The following HMGB1 variants were observed in gnomAD, a reference collection of about 807,000 sequenced individuals.
The protein encoded by HMGB1 is high mobility group box 1.
For synonymous variants in HMGB1, 81 were observed against 84.0 expected, an observed-to-expected ratio of 0.96 and a Z score of 0.19; for missense variants, 79 against 253.5, an observed-to-expected ratio of 0.31 and a Z score of 4.67.
chr13:30,467,999 A>G (rs1269444165), upstream of HMGB1, among the ~76,000 whole-genome samples: 1 of 152,178 alleles, frequency 6.6e-6, no homozygotes, highest in African/African-American at 2.4e-5. Flanking sequence ...CTTGGGTGCA[A>G]ATCCCAGCTC....
chr13:30,574,012 G>A (rs968788468), intron 1 of HMGB1, among the ~76,000 whole-genome samples: 1 of 152,154 alleles, frequency 6.6e-6, no homozygotes, highest in African/African-American at 2.4e-5. Flanking sequence ...CAATAATCAT[G>A]TTCAAGACTA....
intron 1 of HMGB1, chr13:30,554,505 T>C (rs930618398): frequency 9.7e-7 from 1 of 1,025,940 alleles, no homozygotes; most frequent in Admixed American, 1.8e-5. Flanking sequence ...GCAAAATGTA[T>C]AAAGGTAGAT....
chr13:30,558,933 G>T (rs534522834), intron 1 of HMGB1, among the ~76,000 whole-genome samples: 1 of 152,296 alleles, frequency 6.6e-6, no homozygotes, highest in South Asian at 2.1e-4. Context: ...AATGCAGATG[G>T]ATTATAATCT....
rs369899718 is a variant in HMGB1, at chr13:30,561,470, C to T, written c.-15+55201G>A. The stretch of plus-strand genomic sequence containing the variant: ...GTCATGAGAGAGGTAGGATGGTGGA[C>T]TCGGAGAAGAGGCAGAAGATGTTCT... On this transcript the variant is annotated intron_variant, in intron 1 of 4. Transcript: ENST00000405805. Among the ~76,000 whole-genome samples the T allele has an allele frequency of 2.2e-3, 341 of 152,260 alleles. 1 individual carries two copies. The highest frequency in any genetic ancestry group is 7.8e-3 in the African/African-American group (324 of 41,550).
chr13:30,569,258 T>C (rs1056343207), intron 1 of HMGB1, among the ~76,000 whole-genome samples: 4 of 152,230 alleles, frequency 2.6e-5, no homozygotes, highest in African/African-American at 9.6e-5. Flanking sequence ...CTATGAATTA[T>C]ATGATTATAA....
At chr13:30,604,076 G>A (rs1950429874) in intron 1 of HMGB1, among the ~76,000 whole-genome samples, 1 of 151,740 alleles carries the variant, frequency 6.6e-6, no homozygotes, top group East Asian at 1.9e-4. Flanking sequence ...ATAAAGCAGG[G>A]GAAGAGGCTG....
chr13:30,465,309 T>C (rs1450750590), intron 1 of HMGB1: 3 of 110,278 alleles, frequency 2.7e-5, no homozygotes, highest in Non-Finnish European at 5.7e-5. Flanking sequence ...CCCGCCCGGC[T>C]GGCCGCGCTC....
chr13:30,600,962 A>C (rs1204533791), intron 1 of HMGB1, among the ~76,000 whole-genome samples: 2 of 152,198 alleles, frequency 1.3e-5, no homozygotes, highest in African/African-American at 4.8e-5. Flanking sequence ...TTGCATGTAT[A>C]CATCCAGATG....
chr13:30,552,022 G>A (rs1370595646), intron 1 of HMGB1, among the ~76,000 whole-genome samples: 1 of 152,054 alleles, frequency 6.6e-6, no homozygotes, highest in Non-Finnish European at 1.5e-5. Context: ...AATGCCCCAA[G>A]CGTCCTCAGG....
At chr13:30,557,750 C>G (rs1869749288) in intron 1 of HMGB1, among the ~76,000 whole-genome samples, 1 of 152,336 alleles carries the variant, frequency 6.6e-6, no homozygotes, top group African/African-American at 2.4e-5. Flanking sequence ...CTTGGTCCAA[C>G]CTTGCCTCTT....
At chr13:30,498,528 C>T (rs190726610) in intron 1 of HMGB1, among the ~76,000 whole-genome samples, 39 of 152,030 alleles carry the variant, frequency 2.6e-4, no homozygotes, top group African/African-American at 8.9e-4. Flanking sequence ...TCACTCTATC[C>T]CTTTATGCCC....
intron 1 of HMGB1, among the ~76,000 whole-genome samples, chr13:30,580,733 A>G (rs996198083): frequency 1.3e-5 from 2 of 152,210 alleles, no homozygotes; most frequent in Non-Finnish European, 2.9e-5. Context: ...TTTAATAACT[A>G]TTAGTTGAAT....
chr13:30,609,591 C>T (rs1201908018), intron 1 of HMGB1, among the ~76,000 whole-genome samples: 1 of 152,168 alleles, frequency 6.6e-6, no homozygotes. Flanking sequence ...GCAAGAACAA[C>T]CCGTCCTGTT....
intron 1 of HMGB1, among the ~76,000 whole-genome samples, chr13:30,569,707 A>G (rs1440642814): frequency 6.6e-6 from 1 of 152,136 alleles, no homozygotes; most frequent in African/African-American, 2.4e-5. Context: ...CTTCTTTCCT[A>G]TATCACCTTT....
chr13:30,567,188 C>T (rs571590644), intron 1 of HMGB1, among the ~76,000 whole-genome samples: 1 of 152,312 alleles, frequency 6.6e-6, no homozygotes, highest in East Asian at 1.9e-4. Flanking sequence ...ACAAGTCAAA[C>T]TACTGTGGTG....
rs372452503 is a variant in HMGB1 at position 30,457,527 on chromosome 13, C to T, written c.*3830G>A. On this transcript the variant is annotated 3_prime_UTR_variant, in exon 5 of 5. Transcript: ENST00000341423. The stretch of plus-strand genomic sequence containing the variant: ...GAGCAGATTTGGAGACCAACCTGGG[C>T]AACATAGAGATTCTATGTAATCTCT... 11 of 152,102 alleles carry T rather than the reference C, an allele frequency of 7.2e-5. No homozygotes were observed. The highest frequency in any genetic ancestry group is 5.2e-4 in the Admixed American group (8 of 15,266). The allele number at this position is 152,102 out of a possible 1,614,324, so 9.4% of individuals were successfully genotyped here.
chr13:30,568,540 G>A (rs369005144), intron 1 of HMGB1, among the ~76,000 whole-genome samples: 3 of 152,144 alleles, frequency 2.0e-5, no homozygotes, highest in South Asian at 2.1e-4. Flanking sequence ...CTTTGTAAAT[G>A]TAATAAAGAA....
At chr13:30,556,658 A>C (rs1869704569) in intron 1 of HMGB1, among the ~76,000 whole-genome samples, 1 of 152,254 alleles carries the variant, frequency 6.6e-6, no homozygotes, top group Non-Finnish European at 1.5e-5. Context: ...AGCCAGGAAC[A>C]GAAAGTTAAA....
intron 1 of HMGB1, among the ~76,000 whole-genome samples, chr13:30,548,978 T>C (rs1417013934): frequency 1.3e-5 from 2 of 152,198 alleles, no homozygotes; most frequent in South Asian, 2.1e-4. Context: ...CTTGATGTAC[T>C]GAAACTTTAG....
Sources: gnomAD v4.1 joint callset for allele counts (sites outside exome capture counted in the v4.1 genomes callset) on GRCh38, gnomAD v4.1.1 for gene constraint, MANE v1.5 for transcripts, NCBI Gene and HGNC (gene_info 2026-07-23, HGNC 2026-07-21) for gene names.